ATP6V0E2: variants seen among roughly 807,000 people sequenced by gnomAD.
ATP6V0E2 encodes the protein V-type proton ATPase subunit e 2.
In ATP6V0E2, 4 loss-of-function variants were observed where a neutral mutation model predicts 11.5. That is an observed-to-expected ratio of 0.35 (90% CI 0.17 to 0.80). ATP6V0E2 has a LOEUF of 0.80. ATP6V0E2 is among the 30% of genes least tolerant of loss of function. The probability of loss-of-function intolerance (pLI) is 0.53; values close to 1 mark genes in which losing one functional copy is unlikely to be tolerated. For synonymous variants in ATP6V0E2, 52 were observed against 51.0 expected (o/e 1.02, Z -0.09); for missense variants, 93 against 113.5 (o/e 0.82, Z 0.82).
At chr7:149,875,873 C>G in intron 2 of ATP6V0E2, 1 of 685,482 alleles carries the variant, frequency 1.5e-6, no homozygotes, top group Non-Finnish European at 2.7e-6. Context: ...GTTCTGGCCC[C>G]CATGGGCTGT....
At chr7:149,876,174 G>A (rs750906596) in intron 2 of ATP6V0E2, 5 of 447,240 alleles carry the variant, frequency 1.1e-5, no homozygotes, top group East Asian at 1.4e-4. Flanking sequence ...TCAGGAGTTC[G>A]AGACCAGTCT....
In ATP6V0E2 at chr7:149,875,637, T is replaced by C. The variant is rs1179217446; in HGVS notation, c.144T>C (p.Cys48=). 2 of 1,613,618 alleles carry C rather than the reference T, an allele frequency of 1.2e-6. No homozygotes were observed. The highest frequency in any genetic ancestry group is 1.7e-6 in the Non-Finnish European group (2 of 1,179,798). ...TGCTGGTCGCCACCGCCGTCTGCTG[T>C]TACCTCTTGTAAGTACTACTCTCCC... ...ITMLVATAVC[C]YLFWLIAILA... The change falls in exon 2 of 4, where the codon TGT becomes TGC. Residue 48 remains cysteine (C), a synonymous_variant. Transcript: ENST00000425642.
At chr7:149,875,991 CA>C in intron 2 of ATP6V0E2, 1 of 527,744 alleles carries the variant, frequency 1.9e-6, no homozygotes, top group East Asian at 4.8e-5. Flanking sequence ...CTGCACCCTA[CA>C]CCCATGAAAT....
At chr7:149,875,849 G>A in intron 2 of ATP6V0E2, 1 of 684,546 alleles carries the variant, frequency 1.5e-6, no homozygotes, top group Admixed American at 2.1e-5. Context: ...TCTGGATCTG[G>A]CTCTGCCCCC....
intron 3 of ATP6V0E2, 155 bp from the exon 4 acceptor site, chr7:149,879,180 G>T: frequency 7.1e-7 from 1 of 1,400,754 alleles, no homozygotes; most frequent in Non-Finnish European, 9.2e-7. Context: ...TCACCCCAAG[G>T]CAAGACCCTA....
intron 1 of ATP6V0E2, chr7:149,874,525 A>G (rs1233756312): frequency 4.3e-6 from 1 of 232,346 alleles, no homozygotes; most frequent in South Asian, 8.8e-5. Flanking sequence ...TTCATGGGTA[A>G]AATGGAGATA....
At position 149,878,662 on chromosome 7, in the gene ATP6V0E2, T is replaced by TCGCCACCGCCGTC. The variant is rs777364191; in HGVS notation, c.153-16_153-15insCGCCACCGCCGTC. The stretch of plus-strand genomic sequence containing the variant: ...CCTCCTGTGCCAGGCTCACCATGCT[T>TCGCCACCGCCGTC]TGCTGTCCCTGGCAGCTGGCTCATC... On this transcript the variant is annotated splice_polypyrimidine_tract_variant and intron_variant, in intron 2 of 3. Transcript: ENST00000425642. The TCGCCACCGCCGTC allele has an allele frequency of 5.0e-6, 8 of 1,607,662 alleles. No individual in the cohort carries two copies. Among genetic ancestry groups the TCGCCACCGCCGTC allele is most frequent in the Non-Finnish European group, 5.9e-6 (7 of 1,178,406 alleles).
At chr7:149,875,912 C>T in intron 2 of ATP6V0E2, 1 of 660,584 alleles carries the variant, frequency 1.5e-6, no homozygotes, top group Admixed American at 2.1e-5. Context: ...AGGAAGGAGG[C>T]AGGCCACCTC....
upstream of ATP6V0E2, chr7:149,873,843 G>T (rs1405518056): frequency 1.4e-6 from 2 of 1,443,644 alleles, no homozygotes; most frequent in African/African-American, 1.4e-5. Context: ...CTCTCTGTCC[G>T]CGGCCCTGCT....
intron 2 of ATP6V0E2, among the ~76,000 whole-genome samples, chr7:149,877,081 G>GGTCTTGTCAAGACCCCT (rs1554454006): frequency 0.022 from 3,302 of 151,914 alleles, 53 homozygotes; most frequent in Non-Finnish European, 0.031. Flanking sequence ...GATTGAAATG[G>GGTCTTGTCAAGACCCCT]GGTCTTGAGA....
upstream of ATP6V0E2, chr7:149,873,962 G>T (rs956027367): frequency 1.3e-6 from 2 of 1,544,934 alleles, no homozygotes; most frequent in Non-Finnish European, 1.7e-6. Context: ...TCGGGTGCTC[G>T]ACTCCTGTTG....
At chr7:149,874,272 C>A in intron 1 of ATP6V0E2, 103 bp downstream of exon 1, 1 of 1,398,136 alleles carries the variant, frequency 7.2e-7, no homozygotes, top group Non-Finnish European at 9.4e-7. Context: ...CAGCGAGCGT[C>A]CGCAGGAGGG....
In ATP6V0E2 at chr7:149,879,585, C is replaced by T. The variant is rs1680707864; in HGVS notation, c.*270C>T. 2 of 1,489,376 alleles carry T rather than the reference C, an allele frequency of 1.3e-6. No homozygotes were observed. Among genetic ancestry groups the T allele is most frequent in the Non-Finnish European group, 1.8e-6 (2 of 1,116,978 alleles). The allele number at this position is 1,489,376 out of a possible 1,614,324, so 92.3% of individuals were successfully genotyped here. ...ATACCCGCACTGCTCTGGAGTTTGC[C>T]CTCTTTCCCAAGGAGATGCTGCTGG... On this transcript the variant is annotated 3_prime_UTR_variant, in exon 4 of 4. Coordinates refer to ENST00000425642, the MANE Select transcript of ATP6V0E2 (RefSeq NM_145230.4).
At chr7:149,873,965 T>C, upstream of ATP6V0E2, 1 of 1,546,578 alleles carries the variant, frequency 6.5e-7, no homozygotes, top group Non-Finnish European at 8.7e-7. Context: ...GGTGCTCGAC[T>C]CCTGTTGCGC....
At chr7:149,875,709 A>C in intron 2 of ATP6V0E2, 64 bp downstream of exon 2, 1 of 1,485,466 alleles carries the variant, frequency 6.7e-7, no homozygotes, top group Non-Finnish European at 9.3e-7. Context: ...TTTCCTCCTC[A>C]CCCTAGCCTG....
rs1788226139 is a variant in ATP6V0E2, at chr7:149,875,539, G to A, written c.105-59G>A. ...AGGAGCTCTTCTTGCTCTGGTCCTG[G>A]CCAGGCCTTGTGAGGTGCTGGCTGC... On this transcript the variant is annotated intron_variant, in intron 1 of 3. Coordinates refer to ENST00000425642, the MANE Select transcript of ATP6V0E2 (RefSeq NM_145230.4). 4.4e-6 allele frequency: 7 copies of A among 1,574,550 alleles called. No homozygotes were observed. The Admixed American group carries it at 1.2e-4, about 26-fold the overall frequency.
chr7:149,874,196 AC>A, intron 1 of ATP6V0E2, 27 bp downstream of exon 1: 1 of 1,535,156 alleles, frequency 6.5e-7, no homozygotes, highest in South Asian at 1.2e-5. Context: ...GGCCCTGCAG[AC>A]CTCTCCACCC....
chr7:149,874,372 T>G (rs1228901575), intron 1 of ATP6V0E2, among the ~76,000 whole-genome samples: 1 of 152,096 alleles, frequency 6.6e-6, no homozygotes, highest in Non-Finnish European at 1.5e-5. Flanking sequence ...CGAGAGGGCA[T>G]ATCCAGAAGG....
At position 149,879,865 on chromosome 7, in the gene ATP6V0E2, G is replaced by A; in HGVS notation, c.*550G>A. ...TAGATGTGAAATTTCTGAAAATGTT[G>A]AAGCAGAGAAACATTCACACACAAA... On this transcript the variant is annotated 3_prime_UTR_variant, in exon 4 of 4. Transcript: ENST00000425642. The A allele has an allele frequency of 2.3e-6, 1 of 435,752 alleles. No homozygotes were observed. 27.0% of individuals were successfully genotyped at this position (435,752 alleles called of 1,614,324 possible).
Sources: allele counts gnomAD v4.1 joint callset (sites outside exome capture counted in the v4.1 genomes callset), GRCh38; gene constraint gnomAD v4.1.1; transcripts MANE v1.5; gene names NCBI Gene and HGNC (gene_info 2026-07-23, HGNC 2026-07-21).